TFAP2A: variants seen among roughly 807,000 people sequenced by gnomAD.
The protein encoded by TFAP2A is transcription factor AP-2 alpha.
TFAP2A carries 7 observed loss-of-function variants against 41.5 expected under a neutral mutation model. That is an observed-to-expected ratio of 0.17 (90% CI 0.10 to 0.32). TFAP2A has a LOEUF of 0.32. Ranked by LOEUF, TFAP2A falls within the 10% of genes least tolerant of loss-of-function variation. The pLI, the probability that TFAP2A is intolerant of heterozygous loss-of-function variation, is 1.00. For synonymous variants in TFAP2A, 247 were observed against 242.8 expected (o/e 1.02, Z -0.16); for missense variants, 416 against 563.3 (o/e 0.74, Z 2.65).
intron 3 of TFAP2A, chr6:10,406,070 G>C (rs570782163): frequency 6.6e-6 from 1 of 152,282 alleles, no homozygotes; most frequent in East Asian, 1.9e-4. Flanking sequence ...CTCTGGTGGT[G>C]CCTAGAATCC....
At position 10,398,959 on chromosome 6, in the gene TFAP2A, T is replaced by G. The variant is rs1040380690; in HGVS notation, c.1032-254A>C. 2.0e-5 allele frequency among the ~76,000 whole-genome samples: 3 copies of G among 152,158 alleles called. No individual in the cohort carries two copies. The highest frequency in any genetic ancestry group is 7.2e-5 in the African/African-American group (3 of 41,426). Reference sequence around the variant, plus strand: ...TCTCTCTCTTTCCTCTCAGATATGGTAAACTTTTATTCCCACCTTTCTCCC... The same window carrying G: ...TCTCTCTCTTTCCTCTCAGATATGGGAAACTTTTATTCCCACCTTTCTCCC... On this transcript the variant is annotated intron_variant, in intron 6 of 6. Coordinates refer to ENST00000379613, the MANE Select transcript of TFAP2A (RefSeq NM_001372066.1). This position sits in a 1 kb window ranked among gnomAD's most constrained non-coding sequence, Gnocchi z 5.3.
intron 1 of TFAP2A, among the ~76,000 whole-genome samples, chr6:10,413,551 G>T (rs1475300076): frequency 6.6e-6 from 1 of 152,072 alleles, no homozygotes; most frequent in Non-Finnish European, 1.5e-5. Context: ...CTACCTGCCC[G>T]CAAAGCTCGC....
At position 10,398,146 on chromosome 6, in the gene TFAP2A, TTC is replaced by T; in HGVS notation, c.*269_*270del. Reference sequence around the variant, plus strand: ...TCTGCTGGCTTCACGGCCTGTTCTGTTCTCTTAGGCTCCACATGAGGGCACAG... The same window carrying T: ...TCTGCTGGCTTCACGGCCTGTTCTGTTCTTAGGCTCCACATGAGGGCACAG... On this transcript the variant is annotated 3_prime_UTR_variant, in exon 7 of 7. Transcript: ENST00000379613. The surrounding 1 kb of genome is among the most constrained non-coding windows in gnomAD (Gnocchi z 5.3). The T allele has an allele frequency of 2.1e-6, 3 of 1,406,858 alleles. No individual in the cohort carries two copies. The highest frequency in any genetic ancestry group is 2.8e-6 in the Non-Finnish European group (3 of 1,081,782). The allele number at this position is 1,406,858 out of a possible 1,614,324, so 87.1% of individuals were successfully genotyped here.
At chr6:10,410,549 G>C (rs972973527) in intron 1 of TFAP2A, among the ~76,000 whole-genome samples, 1 of 152,288 alleles carries the variant, frequency 6.6e-6, no homozygotes, top group African/African-American at 2.4e-5. Context: ...GGGGGCACAA[G>C]AGACTATTTA....
chr6:10,408,318 A>G (rs1025260442), intron 2 of TFAP2A, among the ~76,000 whole-genome samples: 1 of 152,202 alleles, frequency 6.6e-6, no homozygotes, highest in Non-Finnish European at 1.5e-5. Flanking sequence ...TCTTTTAGTT[A>G]GTTTCTCCTA....
chr6:10,414,339 G>A (rs999137697), intron 1 of TFAP2A, among the ~76,000 whole-genome samples: 2 of 152,338 alleles, frequency 1.3e-5, no homozygotes, highest in East Asian at 3.9e-4. Flanking sequence ...CCCCGCAGCT[G>A]GGATCAGTGG....
At chr6:10,409,251 T>A (rs1261657653) in intron 2 of TFAP2A, 1 of 152,296 alleles carries the variant, frequency 6.6e-6, no homozygotes, top group African/African-American at 2.4e-5. Context: ...TTTAATTTAA[T>A]ATGGAGTGTA....
In TFAP2A at chr6:10,398,191, G is replaced by A; in HGVS notation, c.*226C>T. ...GGGCACAGGGGTGTGGGAGCGGGTGGGGAGGTCGAGGCGGGTGCAGAGTCG... is the reference window on the plus strand; with the variant it reads ...GGGCACAGGGGTGTGGGAGCGGGTGAGGAGGTCGAGGCGGGTGCAGAGTCG... On this transcript the variant is annotated 3_prime_UTR_variant, in exon 7 of 7. Transcript: ENST00000379613. This position sits in a 1 kb window ranked among gnomAD's most constrained non-coding sequence, Gnocchi z 5.3. The A allele has an allele frequency of 6.9e-7, 1 of 1,449,620 alleles. No individual in the cohort carries two copies. Among genetic ancestry groups the A allele is most frequent in the Non-Finnish European group, 9.0e-7 (1 of 1,105,248 alleles). 89.8% of individuals were successfully genotyped at this position (1,449,620 alleles called of 1,614,324 possible).
chr6:10,398,279 G>C lies in TFAP2A; in HGVS notation c.*138C>G. ...GGAGACTCGGGGGGACCCAAGGGCAGCGGCGGCGGCGGCGGCGGCAGCAGC... is the reference window on the plus strand; with the variant it reads ...GGAGACTCGGGGGGACCCAAGGGCACCGGCGGCGGCGGCGGCGGCAGCAGC... On this transcript the variant is annotated 3_prime_UTR_variant, in exon 7 of 7. Transcript: ENST00000379613. The surrounding 1 kb of genome is among the most constrained non-coding windows in gnomAD (Gnocchi z 5.3). 6 of 1,522,044 alleles carry C rather than the reference G, an allele frequency of 3.9e-6. No homozygotes were observed. Among genetic ancestry groups the C allele is most frequent in the Non-Finnish European group, 5.3e-6 (6 of 1,135,188 alleles). 94.3% of individuals were successfully genotyped at this position (1,522,044 alleles called of 1,614,324 possible).
intron 4 of TFAP2A, among the ~76,000 whole-genome samples, chr6:10,403,166 A>G: frequency 6.6e-6 from 1 of 152,236 alleles, no homozygotes; most frequent in South Asian, 2.1e-4. Flanking sequence ...TAAAAGTTTC[A>G]CTGATTTCAG....
At chr6:10,404,783 A>AC in intron 3 of TFAP2A, 44 bp from the exon 4 acceptor site, 1 of 1,573,966 alleles carries the variant, frequency 6.4e-7, no homozygotes, top group Non-Finnish European at 8.7e-7. Context: ...GTCGTGGATC[A>AC]CCCCCAAATC....
chr6:10,409,561 C>G (rs1286362166), intron 2 of TFAP2A: 6 of 288,944 alleles, frequency 2.1e-5, no homozygotes, highest in Non-Finnish European at 4.0e-5. Flanking sequence ...ACGCCAGACT[C>G]AGCGATGGAA....
chr6:10,404,377 G>A (rs866542489), intron 4 of TFAP2A, 131 bp downstream of exon 4: 2 of 220,660 alleles, frequency 9.1e-6, no homozygotes, highest in Non-Finnish European at 7.7e-6. Context: ...TCTTCTCCCC[G>A]CCCCCTTTCC....
upstream of TFAP2A, chr6:10,418,581 A>AGTTGGAAGGAGAGAGCTGGAC (rs1243780116): frequency 6.6e-6 from 1 of 152,346 alleles, no homozygotes; most frequent in African/African-American, 2.4e-5. Flanking sequence ...AGTGTCTGGA[A>AGTTGGAAGGAGAGAGCTGGAC]GTTGGAAGGA....
intron 1 of TFAP2A, chr6:10,411,734 C>T: frequency 1.3e-6 from 2 of 1,517,378 alleles, no homozygotes; most frequent in Non-Finnish European, 8.8e-7. Context: ...AGTCACGGCG[C>T]CGACGCTCCC....
chr6:10,403,085 A>G (rs963277597), intron 4 of TFAP2A, among the ~76,000 whole-genome samples: 2 of 152,250 alleles, frequency 1.3e-5, no homozygotes, highest in African/African-American at 4.8e-5. Context: ...CCAAAGGGAA[A>G]TTCGTTTCGC....
In TFAP2A at chr6:10,402,504, A is replaced by G; in HGVS notation, c.877T>C (p.Ser293Pro). 6.2e-7 allele frequency: 1 copy of G among 1,613,490 alleles called. No homozygotes were observed. The highest frequency in any genetic ancestry group is 8.5e-7 in the Non-Finnish European group (1 of 1,179,394). The change falls in exon 5 of 7, where the codon TCA becomes CCA. Residue 293 changes from serine to proline, a missense_variant. By Grantham distance (74) the Ser-to-Pro change is moderately conservative. Coordinates refer to ENST00000379613, the MANE Select transcript of TFAP2A (RefSeq NM_001372066.1). ...RKAANVTLLT[S>P]LVEGEAVHLA... ...TGGATTCGCTTACCCTCTACTAGTGATGTGAGCAGGGTAACGTTGGCAGCT... is the reference window on the plus strand; with the variant it reads ...TGGATTCGCTTACCCTCTACTAGTGGTGTGAGCAGGGTAACGTTGGCAGCT...
At chr6:10,414,076 T>C (rs1169736896) in intron 1 of TFAP2A, among the ~76,000 whole-genome samples, 1 of 152,236 alleles carries the variant, frequency 6.6e-6, no homozygotes, top group Non-Finnish European at 1.5e-5. Flanking sequence ...CGTTTTAAAA[T>C]GGGTTCCAAA....
rs1057238457 is a variant in TFAP2A, at chr6:10,397,081, A to T, written c.*1336T>A. 2.6e-5 allele frequency: 4 copies of T among 152,466 alleles called. No individual in the cohort carries two copies. The highest frequency in any genetic ancestry group is 2.6e-4 in the Admixed American group (4 of 15,288). 9.4% of individuals were successfully genotyped at this position (152,466 alleles called of 1,614,324 possible). On this transcript the variant is annotated 3_prime_UTR_variant, in exon 7 of 7. Coordinates refer to ENST00000379613, the MANE Select transcript of TFAP2A (RefSeq NM_001372066.1). ...AAATATTTATTTATCTGGGCAACAA[A>T]GGACTATGATACATTGACAGGCATG... is the stretch of plus-strand genomic sequence containing the variant.
Sources: allele counts gnomAD v4.1 joint callset (sites outside exome capture counted in the v4.1 genomes callset), GRCh38; gene constraint gnomAD v4.1.1; non-coding constraint Gnocchi (gnomAD v3.1); transcripts MANE v1.5; gene names NCBI Gene and HGNC (gene_info 2026-07-23, HGNC 2026-07-21).